The following RCAN3 variants were observed in gnomAD, a reference collection of about 807,000 sequenced individuals.
RCAN3 encodes calcipressin-3.
RCAN3 carries 19 observed loss-of-function variants against 21.9 expected under a neutral mutation model. That is an observed-to-expected ratio of 0.87 (90% CI 0.61 to 1.27). The LOEUF is 1.27. RCAN3 is among the 50% of genes most tolerant of loss of function. The probability of loss-of-function intolerance (pLI) is 0.00; values close to 1 mark genes in which losing one functional copy is unlikely to be tolerated. For synonymous variants in RCAN3, 114 were observed against 112.3 expected, an observed-to-expected ratio of 1.01 and a Z score of -0.09; for missense variants, 240 against 300.1, an observed-to-expected ratio of 0.80 and a Z score of 1.48.
chr1:24,513,055 G>C (rs979176089), intron 1 of RCAN3, among the ~76,000 whole-genome samples: 1 of 152,114 alleles, frequency 6.6e-6, no homozygotes, highest in Non-Finnish European at 1.5e-5. Flanking sequence ...GGCTAACACA[G>C]TGAAACCCCA....
Position 24,538,532 on chromosome 1 carries a change from G to A in RCAN3, c.*3255G>A, listed in dbSNP as rs1005482846. On this transcript the variant is annotated 3_prime_UTR_variant, in exon 5 of 5. Coordinates refer to ENST00000374395, the MANE Select transcript of RCAN3 (RefSeq NM_013441.4). ...CCATTCTCCTGCCTCAGCCTCCCAA[G>A]TAGCTGGGACTACAGGCGCCCGCTC... 1 of 150,402 alleles carries A rather than the reference G, an allele frequency of 6.6e-6. No homozygotes were observed. Among genetic ancestry groups the A allele is most frequent in the African/African-American group, 2.4e-5 (1 of 40,820 alleles). 9.3% of individuals were successfully genotyped at this position (150,402 alleles called of 1,614,324 possible).
chr1:24,541,034 T>TA lies in RCAN3; in HGVS notation c.*5760dup, dbSNP rs1211969825. On this transcript the variant is annotated 3_prime_UTR_variant, in exon 5 of 5. Transcript: ENST00000374395. ...TACAAATAAAGTTAGTAACTATTTT[T>TA]AAATCAGTCCATTGAGTTGAGTTTT... 1 of 152,244 alleles carries TA rather than the reference T, an allele frequency of 6.6e-6. No individual in the cohort carries two copies. Among genetic ancestry groups the TA allele is most frequent in the Non-Finnish European group, 1.5e-5 (1 of 68,038 alleles). The allele number at this position is 152,244 out of a possible 1,614,324, so 9.4% of individuals were successfully genotyped here. A position where few individuals can be genotyped will look rare whatever the true frequency, so the allele number is the denominator to read the frequency against.
At chr1:24,523,603 T>TACACACAC (rs71577716) in intron 2 of RCAN3, among the ~76,000 whole-genome samples, 1,436 of 140,806 alleles carry the variant, frequency 0.01, 25 homozygotes, top group African/African-American at 0.036. Flanking sequence ...TTATTTCTAA[T>TACACACAC]ACACACACAC....
intron 2 of RCAN3, among the ~76,000 whole-genome samples, chr1:24,519,569 T>A (rs1490433506): frequency 6.6e-6 from 1 of 152,186 alleles, no homozygotes; most frequent in African/African-American, 2.4e-5. Context: ...AGTACTGCCC[T>A]TTGTATATAA....
intron 4 of RCAN3, among the ~76,000 whole-genome samples, chr1:24,534,602 A>G (rs970646027): frequency 6.7e-5 from 10 of 148,694 alleles, no homozygotes; most frequent in African/African-American, 1.0e-4. Context: ...GCAAGACTCC[A>G]TCTCAAAAAA....
chr1:24,523,649 T>TATA (rs1253659719), intron 2 of RCAN3, among the ~76,000 whole-genome samples: 2 of 94,928 alleles, frequency 2.1e-5, no homozygotes, highest in African/African-American at 1.5e-4. Context: ...CACATATATA[T>TATA]TTTTTTTCTT....
chr1:24,525,062 A>G lies in RCAN3; in HGVS notation c.196-6156A>G, dbSNP rs1199358876. On this transcript the variant is annotated intron_variant, in intron 2 of 4. Transcript: ENST00000374395. This position sits in a 1 kb window ranked among gnomAD's most constrained non-coding sequence, Gnocchi z 4.1. ...CATGTTCCCAGTTTGTTCTTCAGTG[A>G]AACAGCTAAACCTTGCCTTCTCCGA... Among the ~76,000 whole-genome samples, 3 of 152,074 alleles carry G rather than the reference A, an allele frequency of 2.0e-5. No homozygotes were observed. Among genetic ancestry groups the G allele is most frequent in the African/African-American group, 7.2e-5 (3 of 41,496 alleles).
chr1:24,524,496 G>GT (rs1234914743), intron 2 of RCAN3, among the ~76,000 whole-genome samples: 1 of 152,178 alleles, frequency 6.6e-6, no homozygotes, highest in African/African-American at 2.4e-5. Context: ...TCAAAGTAAA[G>GT]TTTTTAAATT....
intron 1 of RCAN3, among the ~76,000 whole-genome samples, chr1:24,511,539 C>G (rs559311050): frequency 6.6e-6 from 1 of 152,160 alleles, no homozygotes; most frequent in Non-Finnish European, 1.5e-5. Context: ...GTTAGGAACA[C>G]CCACAACATG....
chr1:24,511,827 T>C (rs909526224), intron 1 of RCAN3, among the ~76,000 whole-genome samples: 1 of 152,056 alleles, frequency 6.6e-6, no homozygotes, highest in African/African-American at 2.4e-5. Flanking sequence ...CATGATAAAA[T>C]GTGGGATGCC....
At position 24,540,290 on chromosome 1, in the gene RCAN3, C is replaced by G. The variant is rs997450113; in HGVS notation, c.*5013C>G. On this transcript the variant is annotated 3_prime_UTR_variant, in exon 5 of 5. Transcript: ENST00000374395. Reference sequence around the variant, plus strand: ...GGGGCTGAGTCAGCGTCTCTACCCACTTAAATAACAGCGTAAAGATCTTTC... The same window carrying G: ...GGGGCTGAGTCAGCGTCTCTACCCAGTTAAATAACAGCGTAAAGATCTTTC... 2 of 152,574 alleles carry G rather than the reference C, an allele frequency of 1.3e-5. No homozygotes were observed. Among genetic ancestry groups the G allele is most frequent in the South Asian group, 4.1e-4 (2 of 4,828 alleles). The allele number at this position is 152,574 out of a possible 1,614,324, so 9.5% of individuals were successfully genotyped here.
intron 3 of RCAN3, among the ~76,000 whole-genome samples, chr1:24,532,067 G>T (rs1254421054): frequency 6.6e-6 from 1 of 151,574 alleles, no homozygotes; most frequent in Non-Finnish European, 1.5e-5. Context: ...TGCCTTCCAC[G>T]TAAAAACCTA....
intron 2 of RCAN3, among the ~76,000 whole-genome samples, chr1:24,516,285 C>T (rs995614775): frequency 2.0e-5 from 3 of 151,934 alleles, no homozygotes; most frequent in Admixed American, 6.6e-5. Flanking sequence ...GGCAATATAG[C>T]GAGACCCCAT....
intron 2 of RCAN3, among the ~76,000 whole-genome samples, chr1:24,518,588 T>A (rs892419626): frequency 3.3e-5 from 5 of 152,092 alleles, no homozygotes; most frequent in African/African-American, 1.2e-4. Context: ...CCCAGTTTTT[T>A]TTTTTCTCTG....
At chr1:24,519,867 A>G (rs1316642538) in intron 2 of RCAN3, among the ~76,000 whole-genome samples, 1 of 152,242 alleles carries the variant, frequency 6.6e-6, no homozygotes, top group Non-Finnish European at 1.5e-5. Context: ...ATCTGAAATT[A>G]TGCTCCCAGA....
chr1:24,532,709 G>A (rs1207020037), intron 3 of RCAN3, among the ~76,000 whole-genome samples: 1 of 150,920 alleles, frequency 6.6e-6, no homozygotes, highest in Non-Finnish European at 1.5e-5. Flanking sequence ...AGCACTTTGG[G>A]AGGCCAAGGT....
At chr1:24,519,845 G>A (rs1648651902) in intron 2 of RCAN3, among the ~76,000 whole-genome samples, 1 of 152,224 alleles carries the variant, frequency 6.6e-6, no homozygotes, top group African/African-American at 2.4e-5. Flanking sequence ...AAAATAGTAC[G>A]TAGGAGATTT....
chr1:24,529,291 G>A (rs1329471035), intron 2 of RCAN3, among the ~76,000 whole-genome samples: 3 of 151,774 alleles, frequency 2.0e-5, no homozygotes, highest in Non-Finnish European at 4.4e-5. Context: ...GGTGGCTCAT[G>A]CCTGTAATCC....
chr1:24,511,021 A>G (rs1053880923), intron 1 of RCAN3, among the ~76,000 whole-genome samples: 4 of 152,192 alleles, frequency 2.6e-5, no homozygotes, highest in Admixed American at 2.6e-4. Flanking sequence ...ACAAATATTA[A>G]GAACACCCAT....
Sources: gnomAD v4.1 joint callset for allele counts (sites outside exome capture counted in the v4.1 genomes callset) on GRCh38, gnomAD v4.1.1 for gene constraint, Gnocchi (gnomAD v3.1) non-coding constraint, MANE v1.5 for transcripts, NCBI Gene and HGNC (gene_info 2026-07-23, HGNC 2026-07-21) for gene names.